Variants in FARP1 observed in about 807,000 individuals in gnomAD.
FARP1 encodes FERM, ARHGEF and pleckstrin domain-containing protein 1.
FARP1 carries 52 observed loss-of-function variants against 128.8 expected under a neutral mutation model. The ratio of observed to expected loss-of-function variants is 0.40; its 90% CI spans 0.32 to 0.51. FARP1 has a LOEUF of 0.51. Among genes scored for constraint, FARP1 ranks in the 20% least tolerant of loss-of-function variants. The pLI is 0.45. For synonymous variants in FARP1, 580 were observed against 551.8 expected (o/e 1.05, Z -0.72); for missense variants, 1,333 against 1,367.9 (o/e 0.97, Z 0.40).
intron 2 of FARP1, among the ~76,000 whole-genome samples, chr13:98,320,012 C>G (rs1384061994): frequency 6.6e-6 from 1 of 152,068 alleles, no homozygotes; most frequent in African/African-American, 2.4e-5. Context: ...CTGAAACACC[C>G]GGGGTGGAAT....
intron 1 of FARP1, among the ~76,000 whole-genome samples, chr13:98,153,592 CTTGCTTTG>C (rs1876290032): frequency 2.0e-5 from 1 of 50,566 alleles, no homozygotes; most frequent in Non-Finnish European, 6.1e-5. Context: ...GAGATAGACT[CTTGCTTTG>C]TTGCTCAGGC....
rs904356135 is a variant in FARP1 at position 98,385,904 on chromosome 13, G to C, written c.759+90G>C. ...CTCTGATTCATATTCAGTGGGCTAAGACCTCTGATGGTTATTTTTCGGCGA... is the reference window on the plus strand; with the variant it reads ...CTCTGATTCATATTCAGTGGGCTAACACCTCTGATGGTTATTTTTCGGCGA... On this transcript the variant is annotated intron_variant, in intron 8 of 26. Transcript: ENST00000319562. 4 of 1,346,326 alleles carry C rather than the reference G, an allele frequency of 3.0e-6. No homozygotes were observed. The African/African-American group carries it at 5.9e-5, about 20-fold the overall frequency. 83.4% of individuals were successfully genotyped at this position (1,346,326 alleles called of 1,614,324 possible). A position where few individuals can be genotyped will look rare whatever the true frequency, so the allele number is the denominator to read the frequency against.
chr13:98,151,842 A>G (rs1477499576), intron 1 of FARP1, among the ~76,000 whole-genome samples: 1 of 150,842 alleles, frequency 6.6e-6, no homozygotes, highest in African/African-American at 2.4e-5. Flanking sequence ...TTGTATTTTT[A>G]GTAGAGAGGG....
intron 19 of FARP1, 169 bp downstream of exon 19, chr13:98,435,875 T>C: frequency 1.3e-6 from 1 of 750,528 alleles, no homozygotes; most frequent in Non-Finnish European, 2.4e-6. Context: ...TTCAGAATCA[T>C]TGTGTTCGGA....
intron 1 of FARP1, among the ~76,000 whole-genome samples, chr13:98,196,672 C>T (rs117418437): frequency 6.6e-6 from 1 of 152,324 alleles, no homozygotes; most frequent in East Asian, 1.9e-4. Context: ...TTCTCTTTGT[C>T]ATGCTGCAGA....
At position 98,431,217 on chromosome 13, in the gene FARP1, C is replaced by A; in HGVS notation, c.2080C>A (p.Gln694Lys). Residue 694 changes from glutamine (Q) to lysine (K), a missense_variant, in exon 18 of 27, where the codon CAG becomes AAG. Gln to Lys is a moderately conservative substitution (Grantham distance 53, BLOSUM62 1). Transcript: ENST00000319562. ...ACTGCACCGGCTCATGCACTACAAGCAGGTCCTGGAGCGGCTGTGCAAACA... is the reference window on the plus strand; with the variant it reads ...ACTGCACCGGCTCATGCACTACAAGAAGGTCCTGGAGCGGCTGTGCAAACA... ...RPLHRLMHYK[Q>K]VLERLCKHHP... 6.2e-7 allele frequency: 1 copy of A among 1,604,446 alleles called. No homozygotes were observed.
chr13:98,317,114 C>G (rs1886754083), intron 2 of FARP1, among the ~76,000 whole-genome samples: 1 of 152,190 alleles, frequency 6.6e-6, no homozygotes, highest in Non-Finnish European at 1.5e-5. Flanking sequence ...CTGCCACTCC[C>G]TATTTCTAGC....
chr13:98,345,126 T>C lies in FARP1; in HGVS notation c.276+1260T>C, dbSNP rs1871704. Among the ~76,000 whole-genome samples, 929 of 152,328 alleles carry C rather than the reference T, an allele frequency of 6.1e-3. 3 individuals are homozygous for C. The highest frequency in any genetic ancestry group is 9.9e-3 in the Non-Finnish European group (671 of 68,020). Reference sequence around the variant, plus strand: ...TGCGGAATATTGTTTCATGCTCTTATTTCATGGTAAAATAATGATTCTCAA... The same window carrying C: ...TGCGGAATATTGTTTCATGCTCTTACTTCATGGTAAAATAATGATTCTCAA... On this transcript the variant is annotated intron_variant, in intron 3 of 26. Coordinates refer to ENST00000319562, the MANE Select transcript of FARP1 (RefSeq NM_005766.4).
intron 3 of FARP1, among the ~76,000 whole-genome samples, chr13:98,357,937 C>A (rs910340861): frequency 6.6e-6 from 1 of 152,088 alleles, no homozygotes; most frequent in Admixed American, 6.6e-5. Context: ...GAATTATTCC[C>A]GACTACTAAA....
intron 3 of FARP1, among the ~76,000 whole-genome samples, chr13:98,357,381 T>A (rs1888684726): frequency 6.6e-6 from 1 of 152,214 alleles, no homozygotes; most frequent in Non-Finnish European, 1.5e-5. Flanking sequence ...GTATTGACAA[T>A]GGTGAGGACT....
chr13:98,359,428 ACAT>A (rs773907353), intron 3 of FARP1, among the ~76,000 whole-genome samples: 2 of 152,130 alleles, frequency 1.3e-5, no homozygotes, highest in Non-Finnish European at 2.9e-5. Flanking sequence ...TCCACCTAAA[ACAT>A]CACCCACCAA....
intron 2 of FARP1, among the ~76,000 whole-genome samples, chr13:98,224,652 G>T (rs1472764381): frequency 6.6e-6 from 1 of 151,390 alleles, no homozygotes; most frequent in Admixed American, 6.6e-5. Context: ...CCCATCCCTT[G>T]CCAGGGACTC....
chr13:98,231,680 C>T (rs991210052), intron 2 of FARP1, among the ~76,000 whole-genome samples: 2 of 152,134 alleles, frequency 1.3e-5, no homozygotes, highest in African/African-American at 4.8e-5. Context: ...TTAAGGTGAT[C>T]TGTCTGCCTT....
intron 1 of FARP1, among the ~76,000 whole-genome samples, chr13:98,165,168 T>C (rs1877152659): frequency 7.3e-6 from 1 of 136,638 alleles, no homozygotes; most frequent in South Asian, 2.3e-4. Flanking sequence ...TGAGCCGAGA[T>C]TGAGCCATTG....
chr13:98,318,667 A>C (rs1202095707), intron 2 of FARP1, among the ~76,000 whole-genome samples: 1 of 152,118 alleles, frequency 6.6e-6, no homozygotes, highest in Non-Finnish European at 1.5e-5. Flanking sequence ...GCATGGCGCC[A>C]GGTTGGGAGG....
rs530909229 is a variant in FARP1, at chr13:98,453,707, G to A, written c.*5390G>A. On this transcript the variant is annotated 3_prime_UTR_variant, in exon 27 of 27. Coordinates refer to ENST00000319562, the MANE Select transcript of FARP1 (RefSeq NM_005766.4). ...CACAAAGATGTCTCTCGGGATTTTCGTAATTACACTAATTTGGAAACAACT... is the reference window on the plus strand; with the variant it reads ...CACAAAGATGTCTCTCGGGATTTTCATAATTACACTAATTTGGAAACAACT... 6.5e-6 allele frequency: 1 copy of A among 153,134 alleles called. No individual in the cohort carries two copies. The highest frequency in any genetic ancestry group is 1.9e-4 in the East Asian group (1 of 5,192). 9.5% of individuals were successfully genotyped at this position (153,134 alleles called of 1,614,324 possible).
chr13:98,187,123 T>G (rs1878932249), intron 1 of FARP1, among the ~76,000 whole-genome samples: 1 of 152,110 alleles, frequency 6.6e-6, no homozygotes, highest in Non-Finnish European at 1.5e-5. Context: ...CAATTCTATA[T>G]TTAATTTTTT....
chr13:98,159,643 G>T (rs937701917), intron 1 of FARP1: 1 of 151,898 alleles, frequency 6.6e-6, no homozygotes, highest in African/African-American at 2.4e-5. Context: ...GGCTAATTTT[G>T]TATTTTTAGT....
chr13:98,405,797 T>C (rs1006795155), intron 13 of FARP1: 6 of 152,200 alleles, frequency 3.9e-5, no homozygotes, highest in African/African-American at 1.4e-4. Flanking sequence ...TGCATTAATT[T>C]GTCATAAAGG....
Sources: allele counts gnomAD v4.1 joint callset (sites outside exome capture counted in the v4.1 genomes callset), GRCh38; gene constraint gnomAD v4.1.1; transcripts MANE v1.5; gene names NCBI Gene and HGNC (gene_info 2026-07-23, HGNC 2026-07-21).